The following NEDD4L variants were observed in gnomAD, a reference collection of about 807,000 sequenced individuals.
NEDD4L encodes the protein E3 ubiquitin-protein ligase NEDD4-like.
Under a neutral mutation model 148.9 loss-of-function variants are expected in NEDD4L, and 54 were observed. That is an observed-to-expected ratio of 0.36 (90% CI 0.29 to 0.45). The LOEUF (loss-of-function observed/expected upper bound fraction) is 0.45, where lower values mean the gene tolerates loss of function less well. Among genes scored for constraint, NEDD4L ranks in the 20% least tolerant of loss-of-function variants. The pLI is 1.00. For missense variants in NEDD4L, 856 were observed against 1,233.8 expected (o/e 0.69, Z 4.59); for synonymous variants, 433 against 440.7 (o/e 0.98, Z 0.22).
intron 27 of NEDD4L, chr18:58,388,381 C>T (rs1211123892): frequency 6.6e-6 from 1 of 152,242 alleles, no homozygotes; most frequent in African/African-American, 2.4e-5. Flanking sequence ...CAGAGAGCAG[C>T]TGGGTTTACC....
At chr18:58,356,813 A>T (rs1899455176) in intron 18 of NEDD4L, among the ~76,000 whole-genome samples, 1 of 152,224 alleles carries the variant, frequency 6.6e-6, no homozygotes, top group Non-Finnish European at 1.5e-5. Flanking sequence ...TGTGTTTGTT[A>T]GCCTTTTGGG....
intron 1 of NEDD4L, among the ~76,000 whole-genome samples, chr18:58,163,675 C>T (rs977137306): frequency 1.3e-5 from 2 of 152,180 alleles, no homozygotes; most frequent in African/African-American, 4.8e-5. Flanking sequence ...TTACCATATT[C>T]ATGTTCTTTA....
chr18:58,219,287 T>C (rs1161056136), intron 2 of NEDD4L, among the ~76,000 whole-genome samples: 6 of 152,206 alleles, frequency 3.9e-5, no homozygotes, highest in Non-Finnish European at 7.3e-5. Context: ...ATGAGGCTTT[T>C]CTATGCATTT....
intron 5 of NEDD4L, among the ~76,000 whole-genome samples, chr18:58,259,575 C>T (rs1348221572): frequency 6.6e-6 from 1 of 152,150 alleles, no homozygotes; most frequent in East Asian, 1.9e-4. Context: ...ATTTTACAAG[C>T]TTGAGGAGCC....
chr18:58,313,707 C>T (rs2057950997), intron 5 of NEDD4L, among the ~76,000 whole-genome samples: 1 of 152,228 alleles, frequency 6.6e-6, no homozygotes, highest in Admixed American at 6.5e-5. Context: ...GCACAGAGCC[C>T]ACAGAGAGTG....
intron 2 of NEDD4L, among the ~76,000 whole-genome samples, chr18:58,196,764 G>A (rs956215460): frequency 3.0e-5 from 4 of 134,290 alleles, no homozygotes; most frequent in South Asian, 2.3e-4. Context: ...AATACTCTCC[G>A]GTAAACATAT....
intron 5 of NEDD4L, among the ~76,000 whole-genome samples, chr18:58,257,035 C>A (rs1460527942): frequency 5.9e-5 from 9 of 152,136 alleles, no homozygotes; most frequent in Non-Finnish European, 2.9e-5. Flanking sequence ...AGAATACCTT[C>A]CCCCTGCTTT....
At chr18:58,184,580 A>G (rs6566946) in intron 2 of NEDD4L, among the ~76,000 whole-genome samples, 36,139 of 152,012 alleles carry the variant, frequency 0.24, 5,491 homozygotes, top group African/African-American at 0.42. Flanking sequence ...TAAAGGATTA[A>G]CACAGTGTAG....
At chr18:58,290,951 C>T (rs748307981) in intron 5 of NEDD4L, among the ~76,000 whole-genome samples, 2 of 152,194 alleles carry the variant, frequency 1.3e-5, no homozygotes, top group Non-Finnish European at 2.9e-5. Context: ...TCACACTACC[C>T]GTCAACATAG....
At chr18:58,383,382 C>A (rs897366915) in intron 25 of NEDD4L, 63 bp downstream of exon 25, 4 of 929,224 alleles carry the variant, frequency 4.3e-6, no homozygotes, top group Middle Eastern at 2.2e-4. Context: ...TGGTCACTGT[C>A]CCTTGCTGAA....
At position 58,343,190 on chromosome 18, in the gene NEDD4L, A is replaced by G. The variant is rs186725017; in HGVS notation, c.1575+87A>G. ...TTTCCTTAGTGTTTGTAGTTCTTGC[A>G]GAGGAATTGGATTGACTGTAAAGGG... On this transcript the variant is annotated intron_variant, in intron 16 of 30. Coordinates refer to ENST00000400345, the MANE Select transcript of NEDD4L (RefSeq NM_001144967.3). 45 of 1,166,370 alleles carry G rather than the reference A, an allele frequency of 3.9e-5. No homozygotes were observed. The African/African-American group carries it at 6.1e-4, about 16-fold the overall frequency. The allele number at this position is 1,166,370 out of a possible 1,614,324, so 72.3% of individuals were successfully genotyped here.
Position 58,370,509 on chromosome 18 carries a change from C to T in NEDD4L, c.2256+42C>T, listed in dbSNP as rs776884836. On this transcript the variant is annotated intron_variant, in intron 23 of 30. Coordinates refer to ENST00000400345, the MANE Select transcript of NEDD4L (RefSeq NM_001144967.3). ...CACACACTGGCCATCACCGGGCACT[C>T]GTGTCTTATGAGAAGGTATTGGAGA... is the stretch of plus-strand genomic sequence containing the variant. 11 of 1,312,178 alleles carry T rather than the reference C, an allele frequency of 8.4e-6. No individual in the cohort carries two copies. In the East Asian group the frequency reaches 1.1e-4, roughly 14 times the overall value. 81.3% of individuals were successfully genotyped at this position (1,312,178 alleles called of 1,614,324 possible). A position where few individuals can be genotyped will look rare whatever the true frequency, so the allele number is the denominator to read the frequency against.
At chr18:58,228,836 T>G (rs2044703676) in intron 2 of NEDD4L, among the ~76,000 whole-genome samples, 1 of 152,226 alleles carries the variant, frequency 6.6e-6, no homozygotes, top group Non-Finnish European at 1.5e-5. Context: ...GTCTCAGTTC[T>G]TTATGGGAAA....
chr18:58,151,129 C>T (rs1020230429), intron 1 of NEDD4L, among the ~76,000 whole-genome samples: 45 of 152,180 alleles, frequency 3.0e-4, no homozygotes, highest in Non-Finnish European at 4.4e-5. Flanking sequence ...AACATGCATT[C>T]CTCAGGTGCT....
At chr18:58,354,372 C>T (rs2044315147) in intron 18 of NEDD4L, among the ~76,000 whole-genome samples, 1 of 151,972 alleles carries the variant, frequency 6.6e-6, no homozygotes, top group Non-Finnish European at 1.5e-5. Context: ...CTCATCCTTC[C>T]ACTTCCTTCT....
In NEDD4L at chr18:58,358,287, C is replaced by T. The variant is rs146486047; in HGVS notation, c.1767+1035C>T. On this transcript the variant is annotated intron_variant, in intron 19 of 30. Transcript: ENST00000400345. The stretch of plus-strand genomic sequence containing the variant: ...AGTCATTTGGGTACTATTTCCTAGG[C>T]AAAGTGCCCAGTAGTACCTGGGTAA... Among the ~76,000 whole-genome samples the T allele has an allele frequency of 3.2e-4, 48 of 152,248 alleles. No individual in the cohort carries two copies. In the East Asian group the frequency reaches 8.7e-3, roughly 28 times the overall value.
intron 2 of NEDD4L, among the ~76,000 whole-genome samples, chr18:58,201,826 T>A (rs2041449773): frequency 6.6e-6 from 1 of 152,208 alleles, no homozygotes; most frequent in African/African-American, 2.4e-5. Flanking sequence ...GTTTTCTTTT[T>A]TTCACTTAGC....
chr18:58,332,666 G>T (rs897375643), intron 11 of NEDD4L, among the ~76,000 whole-genome samples: 1 of 152,072 alleles, frequency 6.6e-6, no homozygotes, highest in African/African-American at 2.4e-5. Flanking sequence ...TTCTTTCACA[G>T]TAACCAATGT....
chr18:58,091,962 T>C (rs2084098685), intron 1 of NEDD4L, among the ~76,000 whole-genome samples: 1 of 152,228 alleles, frequency 6.6e-6, no homozygotes, highest in African/African-American at 2.4e-5. Flanking sequence ...TGGCCATCAC[T>C]CTTGCTTTTG....
Sources: allele counts gnomAD v4.1 joint callset (sites outside exome capture counted in the v4.1 genomes callset), GRCh38; gene constraint gnomAD v4.1.1; transcripts MANE v1.5; gene names NCBI Gene and HGNC (gene_info 2026-07-23, HGNC 2026-07-21).